Variants in PRKCE observed in about 807,000 individuals in gnomAD.
The protein encoded by PRKCE is protein kinase C epsilon type.
Under a neutral mutation model 85.4 loss-of-function variants are expected in PRKCE, and 16 were observed. The observed-to-expected ratio is 0.19, with a 90% CI of 0.13 to 0.28. PRKCE has a LOEUF of 0.28. PRKCE is among the 10% of genes least tolerant of loss of function. PRKCE has a pLI of 1.00. For missense variants in PRKCE, 573 were observed against 975.2 expected, an observed-to-expected ratio of 0.59 and a Z score of 5.49; for synonymous variants, 388 against 371.5, an observed-to-expected ratio of 1.04 and a Z score of -0.51.
intron 1 of PRKCE, among the ~76,000 whole-genome samples, chr2:45,655,926 G>C (rs990669670): frequency 3.3e-5 from 5 of 150,632 alleles, no homozygotes; most frequent in African/African-American, 1.2e-4. Context: ...CATGAGCTGA[G>C]TGTGAAACAG....
intron 2 of PRKCE, among the ~76,000 whole-genome samples, chr2:45,865,821 T>C (rs202160048): frequency 1.2e-4 from 7 of 56,308 alleles, no homozygotes; most frequent in African/African-American, 1.6e-4. Flanking sequence ...TCTTCTTTTT[T>C]TTTTTTTTTT....
intron 10 of PRKCE, among the ~76,000 whole-genome samples, chr2:46,037,092 G>C (rs1372786126): frequency 6.6e-6 from 1 of 152,160 alleles, no homozygotes; most frequent in African/African-American, 2.4e-5. Flanking sequence ...TGCTGACTCA[G>C]ATTTTCCTGT....
intron 2 of PRKCE, among the ~76,000 whole-genome samples, chr2:45,849,844 G>C (rs1347036369): frequency 6.6e-6 from 1 of 152,144 alleles, no homozygotes; most frequent in Non-Finnish European, 1.5e-5. Flanking sequence ...GCAAGCCTCT[G>C]TGTCTTGGGA....
chr2:46,089,579 C>T (rs1669965280), intron 11 of PRKCE, among the ~76,000 whole-genome samples: 1 of 152,188 alleles, frequency 6.6e-6, no homozygotes, highest in African/African-American at 2.4e-5. Flanking sequence ...CCTTTGGGAA[C>T]CAGACCCCTT....
chr2:46,078,032 ATATT>A (rs1668709038), intron 10 of PRKCE: 1 of 152,194 alleles, frequency 6.6e-6, no homozygotes, highest in South Asian at 2.1e-4. Flanking sequence ...AAGTGGCTGT[ATATT>A]TATTGTGTTT....
At chr2:45,988,644 A>G (rs113387027) in intron 6 of PRKCE, among the ~76,000 whole-genome samples, 32 of 152,254 alleles carry the variant, frequency 2.1e-4, no homozygotes, top group African/African-American at 6.3e-4. Flanking sequence ...TGAGCAGGCA[A>G]AATAGTTCAT....
intron 10 of PRKCE, among the ~76,000 whole-genome samples, chr2:46,049,446 C>A (rs191591459): frequency 6.6e-6 from 1 of 152,172 alleles, no homozygotes; most frequent in African/African-American, 2.4e-5. Context: ...ATGGGACAAC[C>A]TATCCCAGTT....
intron 14 of PRKCE, among the ~76,000 whole-genome samples, chr2:46,166,456 C>A (rs184979654): frequency 6.6e-6 from 1 of 152,350 alleles, no homozygotes; most frequent in East Asian, 1.9e-4. Flanking sequence ...GACTCTGATC[C>A]AGGGCTGGAG....
intron 2 of PRKCE, among the ~76,000 whole-genome samples, chr2:45,857,069 G>C (rs1692737829): frequency 6.6e-6 from 1 of 152,196 alleles, no homozygotes; most frequent in South Asian, 2.1e-4. Flanking sequence ...TATATACCCA[G>C]TAGTGGGATT....
intron 11 of PRKCE, among the ~76,000 whole-genome samples, chr2:46,102,292 C>A (rs1671318232): frequency 6.6e-6 from 1 of 152,110 alleles, no homozygotes; most frequent in Admixed American, 6.5e-5. Flanking sequence ...ACACTGGGTT[C>A]CTTTACATCT....
At chr2:45,654,638 G>C (rs1340518735) in intron 1 of PRKCE, among the ~76,000 whole-genome samples, 1 of 152,174 alleles carries the variant, frequency 6.6e-6, no homozygotes, top group Non-Finnish European at 1.5e-5. Flanking sequence ...CATCTCTTTT[G>C]CCTTATAGCA....
At chr2:45,721,762 A>T (rs766425110) in intron 1 of PRKCE, among the ~76,000 whole-genome samples, 4 of 151,980 alleles carry the variant, frequency 2.6e-5, no homozygotes, top group South Asian at 4.1e-4. Context: ...CTGCAGTTCT[A>T]GCTACTTGGG....
intron 11 of PRKCE, among the ~76,000 whole-genome samples, chr2:46,093,375 A>G (rs1392712367): frequency 2.0e-5 from 3 of 151,508 alleles, no homozygotes; most frequent in Non-Finnish European, 4.4e-5. Context: ...AATTAGTTCT[A>G]CATGGTGTTT....
intron 11 of PRKCE, among the ~76,000 whole-genome samples, chr2:46,095,647 A>C (rs1006009673): frequency 6.6e-6 from 1 of 152,140 alleles, no homozygotes; most frequent in Non-Finnish European, 1.5e-5. Flanking sequence ...GACCTTCCCC[A>C]TTGCTGGTTC....
At chr2:46,038,688 CACACACACACACACA>C (rs994063265) in intron 10 of PRKCE, among the ~76,000 whole-genome samples, 3 of 149,402 alleles carry the variant, frequency 2.0e-5, no homozygotes, top group Admixed American at 6.6e-5. Flanking sequence ...CACACACACA[CACACACACACACACA>C]TTTTCCAGAT....
intron 1 of PRKCE, among the ~76,000 whole-genome samples, chr2:45,702,588 C>G (rs1051033757): frequency 1.3e-5 from 2 of 152,168 alleles, no homozygotes; most frequent in East Asian, 3.8e-4. Context: ...AGTTCTGTAC[C>G]TGGTTCCATA....
chr2:46,010,897 A>G, intron 10 of PRKCE: 1 of 1,478,728 alleles, frequency 6.8e-7, no homozygotes, highest in South Asian at 1.4e-5. Flanking sequence ...TATGAAAAAG[A>G]GTAAAGGCCA....
At chr2:45,866,708 T>A (rs1693647114) in intron 2 of PRKCE, among the ~76,000 whole-genome samples, 1 of 152,234 alleles carries the variant, frequency 6.6e-6, no homozygotes, top group African/African-American at 2.4e-5. Flanking sequence ...TTTACGTTAA[T>A]TAAAACTTAA....
chr2:45,874,087 CAAGGGCTGGTGCTG>C (rs1694292759), intron 2 of PRKCE, among the ~76,000 whole-genome samples: 1 of 152,226 alleles, frequency 6.6e-6, no homozygotes. Context: ...AAGGTGCCCA[CAAGGGCTGGTGCTG>C]AAGAGATTGT....
Sources: allele counts gnomAD v4.1 joint callset (sites outside exome capture counted in the v4.1 genomes callset), GRCh38; gene constraint gnomAD v4.1.1; transcripts MANE v1.5; gene names NCBI Gene and HGNC (gene_info 2026-07-23, HGNC 2026-07-21).